Variants in ADGRL1 observed in about 807,000 individuals in gnomAD.
ADGRL1 encodes adhesion G protein-coupled receptor L1, also known as CIRL-1.
A neutral mutation model predicts 148.9 loss-of-function variants in ADGRL1; 31 were observed. That is an observed-to-expected ratio of 0.21 (90% CI 0.16 to 0.28). The LOEUF (loss-of-function observed/expected upper bound fraction) is 0.28. ADGRL1 is among the 10% of genes least tolerant of loss of function. The pLI is 1.00. For missense variants in ADGRL1, 1,521 were observed against 2,058.8 expected (o/e 0.74, Z 5.05); for synonymous variants, 937 against 900.3 (o/e 1.04, Z -0.73).
chr19:14,184,325 G>A (rs1971425340), intron 1 of ADGRL1, among the ~76,000 whole-genome samples: 1 of 152,138 alleles, frequency 6.6e-6, no homozygotes, highest in South Asian at 2.1e-4. Context: ...CCCCTCTGGG[G>A]GGGCCAGGGG....
rs552503514 is a variant in ADGRL1 at position 14,201,606 on chromosome 19, G to A, written c.-96+4379C>T. On this transcript the variant is annotated intron_variant, in intron 1 of 22. Coordinates refer to ENST00000361434, the MANE Select transcript of ADGRL1 (RefSeq NM_014921.5). Reference sequence around the variant, plus strand: ...CTATTAAAAAAAAAATTTTAGAAACGAGTCTTGCTATGTTGCCCAGGCTGA... The same window carrying A: ...CTATTAAAAAAAAAATTTTAGAAACAAGTCTTGCTATGTTGCCCAGGCTGA... Among the ~76,000 whole-genome samples, 29 of 152,006 alleles carry A rather than the reference G, an allele frequency of 1.9e-4. No homozygotes were observed. The South Asian group carries it at 2.1e-3, about 11-fold the overall frequency.
intron 3 of ADGRL1, among the ~76,000 whole-genome samples, chr19:14,174,665 A>C (rs1970697333): frequency 6.7e-6 from 1 of 149,398 alleles, no homozygotes; most frequent in African/African-American, 2.5e-5. Context: ...CCTCCCAAGT[A>C]TCTGGGACTA....
Position 14,161,728 on chromosome 19 carries a change from C to T in ADGRL1, c.1196-102G>A. 1 of 852,414 alleles carries T rather than the reference C, an allele frequency of 1.2e-6. No homozygotes were observed. The allele number at this position is 852,414 out of a possible 1,614,324, so 52.8% of individuals were successfully genotyped here. A position where few individuals can be genotyped will look rare whatever the true frequency, so the allele number is the denominator to read the frequency against. ...GCCATCTTAGCATCTTCCTCATCTA[C>T]TGAAGTGGAAACACGTGCCGGGCCC... On this transcript the variant is annotated intron_variant, in intron 5 of 22. Coordinates refer to ENST00000361434, the MANE Select transcript of ADGRL1 (RefSeq NM_014921.5). This position sits in a 1 kb window ranked among gnomAD's most constrained non-coding sequence, Gnocchi z 4.4.
chr19:14,175,681 T>TA (rs1224547940), intron 3 of ADGRL1, among the ~76,000 whole-genome samples: 1 of 151,914 alleles, frequency 6.6e-6, no homozygotes, highest in Non-Finnish European at 1.5e-5. Flanking sequence ...CACATACACT[T>TA]AGACACACAG....
rs201411115 is a variant in ADGRL1 at position 14,177,656 on chromosome 19, G to A, written c.159C>T (p.Ser53=). ...TGGCATTCTCCACCATGATGACGTC[G>A]CTGCCGGGGCACCGCAGCTCGATGG... The part of the protein sequence containing the change: ...GYPIELRCPG[S]DVIMVENANY... The change falls in exon 3 of 23, where the codon AGC becomes AGT. Residue 53 remains serine (S), a synonymous_variant. Coordinates refer to ENST00000361434, the MANE Select transcript of ADGRL1 (RefSeq NM_014921.5). 9.3e-6 allele frequency: 15 copies of A among 1,614,052 alleles called. No homozygotes were observed. The East Asian group carries it at 1.1e-4, about 12-fold the overall frequency.
chr19:14,176,111 G>T (rs1364057269), intron 3 of ADGRL1, among the ~76,000 whole-genome samples: 1 of 151,888 alleles, frequency 6.6e-6, no homozygotes, highest in South Asian at 2.1e-4. Flanking sequence ...CAGCACTTTG[G>T]GAGGCCAAGT....
At chr19:14,189,574 G>A (rs1166644518) in intron 1 of ADGRL1, among the ~76,000 whole-genome samples, 6 of 152,070 alleles carry the variant, frequency 3.9e-5, no homozygotes, top group Non-Finnish European at 5.9e-5. Flanking sequence ...CGTTTCCAAG[G>A]CTCACCTACG....
At position 14,158,422 on chromosome 19, in the gene ADGRL1, T is replaced by G. The variant is rs981908483; in HGVS notation, c.2280A>C (p.Ser760=). ...TGTTGATGGATGCTGCGATGACCTGTGAGTTCACCACTAGAGAGGCGCCCC... is the reference window on the plus strand; with the variant it reads ...TGTTGATGGATGCTGCGATGACCTGGGAGTTCACCACTAGAGAGGCGCCCC... ...GPGGASLVVN[S]QVIAASINKE... The change falls in exon 12 of 23, where the codon TCA becomes TCC. Residue 760 remains serine (S), a synonymous_variant. Coordinates refer to ENST00000361434, the MANE Select transcript of ADGRL1 (RefSeq NM_014921.5). 2 of 1,613,776 alleles carry G rather than the reference T, an allele frequency of 1.2e-6. No homozygotes were observed. The highest frequency in any genetic ancestry group is 1.7e-6 in the Non-Finnish European group (2 of 1,180,024).
At chr19:14,204,782 C>A (rs1316469930) in intron 1 of ADGRL1, among the ~76,000 whole-genome samples, 1 of 151,360 alleles carries the variant, frequency 6.6e-6, no homozygotes, top group East Asian at 1.9e-4. Flanking sequence ...GCCATCTTGG[C>A]AGCCATTTTG....
chr19:14,163,165 C>T lies in ADGRL1; in HGVS notation c.636G>A (p.Val212=). The T allele has an allele frequency of 1.2e-6, 2 of 1,613,860 alleles. No homozygotes were observed. Among genetic ancestry groups the T allele is most frequent in the Non-Finnish European group, 1.7e-6 (2 of 1,179,994 alleles). Residue 212 remains valine, a synonymous_variant, in exon 5 of 23, where the codon GTG becomes GTA. Coordinates refer to ENST00000361434, the MANE Select transcript of ADGRL1 (RefSeq NM_014921.5). The part of the protein sequence containing the change: ...LPNRVDGTGF[V]VYDGAVFYNK... Reference sequence around the variant, plus strand: ...TGTAGAAGACGGCACCATCGTAGACCACAAAGCCTGTGCCATCCACGCGGT... The same window carrying T: ...TGTAGAAGACGGCACCATCGTAGACTACAAAGCCTGTGCCATCCACGCGGT...
intron 1 of ADGRL1, among the ~76,000 whole-genome samples, chr19:14,198,151 G>A (rs1972382171): frequency 6.6e-6 from 1 of 152,044 alleles, no homozygotes; most frequent in South Asian, 2.1e-4. Flanking sequence ...GGGAAGAGTG[G>A]AAGGAGGTGA....
chr19:14,164,878 C>T (rs998632227), intron 4 of ADGRL1, among the ~76,000 whole-genome samples: 3 of 152,220 alleles, frequency 2.0e-5, no homozygotes, highest in Middle Eastern at 3.4e-3. Flanking sequence ...CCAGGATGGC[C>T]GGGCCTCCCT....
At position 14,161,322 on chromosome 19, in the gene ADGRL1, C is replaced by T. The variant is rs760100126; in HGVS notation, c.1500G>A (p.Lys500=). The T allele has an allele frequency of 2.5e-6, 4 of 1,590,746 alleles. No homozygotes were observed. The highest frequency in any genetic ancestry group is 2.3e-5 in the South Asian group (2 of 88,686). The part of the protein sequence containing the change: ...QGMLVERPCP[K]GTRGIASFQC... ...AGCCTCTGTACTCACCTCGAGTCCC[C>T]TTGGGGCAGGGCCTCTCCACCAGCA... Residue 500 remains lysine (K), a synonymous_variant, in exon 6 of 23, where the codon AAG becomes AAA. Transcript: ENST00000361434. The surrounding 1 kb of genome is among the most constrained non-coding windows in gnomAD (Gnocchi z 4.4).
At chr19:14,189,074 A>C (rs1264374368) in intron 1 of ADGRL1, among the ~76,000 whole-genome samples, 1 of 152,042 alleles carries the variant, frequency 6.6e-6, no homozygotes, top group African/African-American at 2.4e-5. Flanking sequence ...TTATCACCCC[A>C]CATAGAAACT....
rs1239998003 is a variant in ADGRL1, at chr19:14,163,318, G to A, written c.483C>T (p.Asp161=). ...SEHQSGAWCK[D]PLQAGDRIYV... ...AGATGCGGTCACCCGCCTGCAGCGG[G>A]TCCTTGCACCATGCGCCAGACTGGT... is the stretch of plus-strand genomic sequence containing the variant. Residue 161 remains aspartate, a synonymous_variant, in exon 5 of 23, where the codon GAC becomes GAT. Coordinates refer to ENST00000361434, the MANE Select transcript of ADGRL1 (RefSeq NM_014921.5). The A allele has an allele frequency of 1.9e-6, 3 of 1,612,990 alleles. No individual in the cohort carries two copies. The highest frequency in any genetic ancestry group is 2.7e-5 in the African/African-American group (2 of 74,942).
In ADGRL1 at chr19:14,160,515, C is replaced by A; in HGVS notation, c.1614+78G>T. The stretch of plus-strand genomic sequence containing the variant: ...GACCTGCCAGCCCATGTCTCCCCAG[C>A]TGCTCCACGACCCCCGCTGGGCCCT... On this transcript the variant is annotated intron_variant, in intron 7 of 22. Transcript: ENST00000361434. This position sits in a 1 kb window ranked among gnomAD's most constrained non-coding sequence, Gnocchi z 5.9. The A allele has an allele frequency of 8.9e-7, 1 of 1,127,460 alleles. No individual in the cohort carries two copies. Among genetic ancestry groups the A allele is most frequent in the Non-Finnish European group, 1.3e-6 (1 of 796,564 alleles). 69.8% of individuals were successfully genotyped at this position (1,127,460 alleles called of 1,614,324 possible).
intron 1 of ADGRL1, among the ~76,000 whole-genome samples, chr19:14,187,700 C>G (rs1183128515): frequency 6.6e-6 from 1 of 152,076 alleles, no homozygotes; most frequent in Non-Finnish European, 1.5e-5. Context: ...GCATCTCCCC[C>G]ACATCTGTGA....
Position 14,159,816 on chromosome 19 carries a change from C to G in ADGRL1, c.1801-43G>C, listed in dbSNP as rs1015538901. ...TGATGTCAGGCCAGGCCTCTGGGTGCCGGTTCCCTCACCCTAATACTGTCA... is the reference window on the plus strand; with the variant it reads ...TGATGTCAGGCCAGGCCTCTGGGTGGCGGTTCCCTCACCCTAATACTGTCA... On this transcript the variant is annotated intron_variant, in intron 8 of 22. Coordinates refer to ENST00000361434, the MANE Select transcript of ADGRL1 (RefSeq NM_014921.5). This position sits in a 1 kb window ranked among gnomAD's most constrained non-coding sequence, Gnocchi z 6.0. The G allele has an allele frequency of 4.6e-6, 7 of 1,537,902 alleles. No homozygotes were observed. The highest frequency in any genetic ancestry group is 4.5e-6 in the Non-Finnish European group (5 of 1,111,018).
intron 4 of ADGRL1, 86 bp from the exon 5 acceptor site, chr19:14,163,492 GAGAGA>G (rs1209631228): frequency 3.5e-4 from 362 of 1,028,546 alleles, no homozygotes; most frequent in South Asian, 1.2e-3. Context: ...GAGAGAGAGA[GAGAGA>G]GGGGGGAGAG....
Sources: allele counts gnomAD v4.1 joint callset (sites outside exome capture counted in the v4.1 genomes callset), GRCh38; gene constraint gnomAD v4.1.1; non-coding constraint Gnocchi (gnomAD v3.1); transcripts MANE v1.5; gene names NCBI Gene and HGNC (gene_info 2026-07-23, HGNC 2026-07-21).